The following CEP85L variants were observed in gnomAD, a reference collection of about 807,000 sequenced individuals.
CEP85L encodes the protein centrosomal protein 85L.
A neutral mutation model predicts 100.3 loss-of-function variants in CEP85L; 60 were observed. The observed-to-expected ratio is 0.60, with a 90% CI of 0.49 to 0.74. The LOEUF is 0.74. Ranked by LOEUF, CEP85L falls within the 30% of genes least tolerant of loss-of-function variation. CEP85L has a pLI of 0.00. For missense variants in CEP85L, 973 were observed against 936.2 expected (o/e 1.04, Z -0.51); for synonymous variants, 319 against 322.7 (o/e 0.99, Z 0.12).
intron 2 of CEP85L, among the ~76,000 whole-genome samples, chr6:118,576,917 C>G (rs73526195): frequency 1.3e-5 from 2 of 152,138 alleles, no homozygotes; most frequent in Non-Finnish European, 2.9e-5. Flanking sequence ...GCGATTGTTA[C>G]GCTTGTGCGA....
At chr6:118,580,055 G>A (rs561480234) in intron 2 of CEP85L, among the ~76,000 whole-genome samples, 1 of 152,220 alleles carries the variant, frequency 6.6e-6, no homozygotes, top group East Asian at 1.9e-4. Flanking sequence ...GACATACCTG[G>A]TCAACCCAAT....
intron 2 of CEP85L, among the ~76,000 whole-genome samples, chr6:118,604,752 A>C (rs181105602): frequency 1.2e-4 from 18 of 152,342 alleles, no homozygotes; most frequent in Admixed American, 3.3e-4. Context: ...TACGGTAGGC[A>C]AATTGAACAG....
chr6:118,608,346 T>C (rs995921880), intron 2 of CEP85L, among the ~76,000 whole-genome samples: 5 of 151,942 alleles, frequency 3.3e-5, no homozygotes, highest in African/African-American at 1.2e-4. Context: ...ATACAAAAAA[T>C]TAGCCAGGCG....
intron 2 of CEP85L, among the ~76,000 whole-genome samples, chr6:118,567,249 GTATA>G (rs57181233): frequency 1.2e-3 from 53 of 43,756 alleles, no homozygotes; most frequent in African/African-American, 2.5e-3. Context: ...GTGTGTGTGT[GTATA>G]TATATATATA....
At chr6:118,658,010 C>G (rs1306134271) in intron 1 of CEP85L, among the ~76,000 whole-genome samples, 1 of 152,074 alleles carries the variant, frequency 6.6e-6, no homozygotes, top group Non-Finnish European at 1.5e-5. Flanking sequence ...ATTGCTTACC[C>G]AGTGGAAGAA....
At chr6:118,630,434 T>G (rs1774072326) in intron 2 of CEP85L, among the ~76,000 whole-genome samples, 1 of 152,176 alleles carries the variant, frequency 6.6e-6, no homozygotes, top group Non-Finnish European at 1.5e-5. Context: ...ACCTCATCAT[T>G]CTTCAGCTGA....
At position 118,465,564 on chromosome 6, in the gene CEP85L, C is replaced by A; in HGVS notation, c.2259G>T (p.Met753Ile). The A allele has an allele frequency of 6.2e-7, 1 of 1,608,964 alleles. No homozygotes were observed. The highest frequency in any genetic ancestry group is 8.5e-7 in the Non-Finnish European group (1 of 1,178,214). ...TCTCAGTCTCTTCAGCTGAACAGTT[C>A]ATTGCTGTGTAAATAAAACATAGAG... ...NLSLLLGIRS[M>I]NCSAEETEND... Residue 753 changes from methionine (M) to isoleucine (I), a missense_variant, in exon 13 of 13, where the codon ATG (methionine) becomes ATT (isoleucine). This residue lies in a region of CEP85L where 890 missense variants were observed against 844.5 expected (regional missense o/e 1.05). Coordinates refer to ENST00000368491, the MANE Select transcript of CEP85L (RefSeq NM_001042475.3).
intron 2 of CEP85L, among the ~76,000 whole-genome samples, chr6:118,592,229 T>C (rs1781228476): frequency 1.3e-5 from 2 of 152,020 alleles, no homozygotes; most frequent in African/African-American, 2.4e-5. Context: ...GCACCAATGG[T>C]TAAAGAACAG....
At chr6:118,605,338 G>C (rs952610745) in intron 2 of CEP85L, among the ~76,000 whole-genome samples, 1 of 152,160 alleles carries the variant, frequency 6.6e-6, no homozygotes, top group African/African-American at 2.4e-5. Flanking sequence ...TCTCCCAGTG[G>C]GGGGTGGGGA....
intron 1 of CEP85L, among the ~76,000 whole-genome samples, chr6:118,702,210 C>T (rs1190657341): frequency 6.6e-6 from 1 of 151,990 alleles, no homozygotes; most frequent in African/African-American, 2.4e-5. Context: ...CTGTTATTTA[C>T]CTAAATTTTA....
At chr6:118,587,353 AGT>A (rs1780922618) in intron 2 of CEP85L, among the ~76,000 whole-genome samples, 4 of 152,208 alleles carry the variant, frequency 2.6e-5, no homozygotes, top group Admixed American at 2.6e-4. Context: ...AAGTTGATGG[AGT>A]AATAGCAAAT....
intron 12 of CEP85L, among the ~76,000 whole-genome samples, chr6:118,467,458 C>G (rs773983422): frequency 6.6e-6 from 1 of 152,064 alleles, no homozygotes; most frequent in Non-Finnish European, 1.5e-5. Context: ...TTCAGAAGGA[C>G]AGGGTGAGTA....
chr6:118,499,921 T>C (rs527346009), intron 5 of CEP85L, among the ~76,000 whole-genome samples: 2 of 152,112 alleles, frequency 1.3e-5, no homozygotes, highest in East Asian at 3.9e-4. Context: ...AAAGGTATAC[T>C]GATTGGAAAG....
At chr6:118,549,644 A>G (rs1307009953) in intron 3 of CEP85L, among the ~76,000 whole-genome samples, 2 of 151,808 alleles carry the variant, frequency 1.3e-5, no homozygotes, top group African/African-American at 2.4e-5. Flanking sequence ...TTGTGTCTCC[A>G]TATCTCTATA....
chr6:118,520,573 T>C (rs932466397), intron 4 of CEP85L, among the ~76,000 whole-genome samples: 2 of 152,258 alleles, frequency 1.3e-5, no homozygotes, highest in East Asian at 3.9e-4. Context: ...CTTCTAGCTA[T>C]TTGAAAAAAA....
chr6:118,575,176 C>G (rs149282111), intron 2 of CEP85L, among the ~76,000 whole-genome samples: 11 of 152,244 alleles, frequency 7.2e-5, no homozygotes, highest in African/African-American at 2.6e-4. Context: ...GGAAATACCC[C>G]AGACAAGGCA....
upstream of CEP85L, chr6:118,652,560 A>G (rs1244716582): frequency 1.4e-6 from 2 of 1,434,270 alleles, no homozygotes. Flanking sequence ...AGAGGCTTTG[A>G]GTTCCGCTTT....
Position 118,461,397 on chromosome 6 carries a change from G to A in CEP85L, c.*4008C>T, listed in dbSNP as rs1006028575. 1.3e-5 allele frequency: 2 copies of A among 151,386 alleles called. No individual in the cohort carries two copies. The highest frequency in any genetic ancestry group is 2.9e-5 in the Non-Finnish European group (2 of 67,828). The allele number at this position is 151,386 out of a possible 1,614,324, so 9.4% of individuals were successfully genotyped here. A position where few individuals can be genotyped will look rare whatever the true frequency, so the allele number is the denominator to read the frequency against. ...AGGTATCCACCTAGTAACAAAAAACGGCTCCTTGCTTTAAAAAAAAAAATT... is the reference window on the plus strand; with the variant it reads ...AGGTATCCACCTAGTAACAAAAAACAGCTCCTTGCTTTAAAAAAAAAAATT... On this transcript the variant is annotated 3_prime_UTR_variant, in exon 13 of 13. Coordinates refer to ENST00000368491, the MANE Select transcript of CEP85L (RefSeq NM_001042475.3).
In CEP85L at chr6:118,566,332, A is replaced by T. The variant is rs956110888; in HGVS notation, c.233-16T>A. The T allele has an allele frequency of 4.4e-6, 7 of 1,593,660 alleles. No homozygotes were observed. Among genetic ancestry groups the T allele is most frequent in the Non-Finnish European group, 5.1e-6 (6 of 1,170,092 alleles). The stretch of plus-strand genomic sequence containing the variant: ...GTTGAATGATCTGGAAAGAAAAAAG[A>T]TGGTCAAATTAGTTACAATTAACAG... On this transcript the variant is annotated splice_polypyrimidine_tract_variant and intron_variant, in intron 2 of 12. Transcript: ENST00000368491.
Sources: allele counts gnomAD v4.1 joint callset (sites outside exome capture counted in the v4.1 genomes callset), GRCh38; gene constraint gnomAD v4.1.1; regional missense constraint gnomAD v4.1.1; transcripts MANE v1.5; gene names NCBI Gene and HGNC (gene_info 2026-07-23, HGNC 2026-07-21).